The following ABCA10 variants were observed in gnomAD, a reference collection of about 807,000 sequenced individuals.
The protein encoded by ABCA10 is ATP binding cassette subfamily A member 10.
In ABCA10, 169 loss-of-function variants were observed where a neutral mutation model predicts 187.5. That is an observed-to-expected ratio of 0.90 (90% CI 0.80 to 1.02). The LOEUF (loss-of-function observed/expected upper bound fraction) is 1.02. ABCA10 is among the 50% of genes least tolerant of loss of function. The pLI is 0.00. For missense variants in ABCA10, 1,727 were observed against 1,812.4 expected (o/e 0.95, Z 0.86); for synonymous variants, 574 against 601.8 (o/e 0.95, Z 0.68).
intron 25 of ABCA10, among the ~76,000 whole-genome samples, chr17:69,165,627 G>A (rs1014137520): frequency 2.0e-5 from 3 of 152,072 alleles, no homozygotes; most frequent in Non-Finnish European, 4.4e-5. Context: ...ACTGTTAGTC[G>A]TTTCCTAAAA....
chr17:69,201,029 G>C (rs1024232224), intron 10 of ABCA10, among the ~76,000 whole-genome samples: 8 of 152,116 alleles, frequency 5.3e-5, no homozygotes, highest in African/African-American at 1.9e-4. Context: ...TCTTAGAAAT[G>C]AATGAAAAAG....
At chr17:69,155,524 ATGT>A (rs1351439234) in intron 29 of ABCA10, among the ~76,000 whole-genome samples, 9 of 152,314 alleles carry the variant, frequency 5.9e-5, no homozygotes, top group African/African-American at 2.2e-4. Context: ...CTCTTGAAAA[ATGT>A]GCGATTTTGC....
chr17:69,193,066 TA>T, intron 15 of ABCA10, 43 bp downstream of exon 15: 2 of 1,551,028 alleles, frequency 1.3e-6, no homozygotes, highest in Non-Finnish European at 1.7e-6. Context: ...ACTCTCATGT[TA>T]AATCCTTAAA....
chr17:69,190,195 CTGGACAATGCTAGTATTTTCTATCTAG>C (rs1273715958), intron 18 of ABCA10, among the ~76,000 whole-genome samples, 136 bp downstream of exon 18: 1 of 152,074 alleles, frequency 6.6e-6, no homozygotes, highest in Non-Finnish European at 1.5e-5. Flanking sequence ...GATTATAATA[CTGGACAATGCTAGTATTTTCTATCTAG>C]TGGACAATGC....
At chr17:69,232,364 G>T (rs1322802820), upstream of ABCA10, among the ~76,000 whole-genome samples, 2 of 151,528 alleles carry the variant, frequency 1.3e-5, no homozygotes, top group African/African-American at 4.8e-5. Context: ...GTAGTGTTTT[G>T]ATTTCTTGCT....
intron 1 of ABCA10, among the ~76,000 whole-genome samples, chr17:69,238,844 T>C (rs984321927): frequency 2.6e-5 from 4 of 152,198 alleles, no homozygotes; most frequent in Non-Finnish European, 5.9e-5. Flanking sequence ...TGACCTTCTG[T>C]TGAGGCAATT....
chr17:69,193,690 T>C (rs1189598502), intron 13 of ABCA10, 78 bp from the exon 14 acceptor site: 8 of 1,549,160 alleles, frequency 5.2e-6, no homozygotes, highest in Non-Finnish European at 8.7e-7. Context: ...ATGAAAAGGA[T>C]TTAGTCTAGA....
intron 9 of ABCA10, among the ~76,000 whole-genome samples, chr17:69,209,993 G>C (rs1318201786): frequency 6.6e-6 from 1 of 151,838 alleles, no homozygotes; most frequent in African/African-American, 2.4e-5. Context: ...GCACATGACT[G>C]TACATTAGGT....
chr17:69,201,788 T>A, intron 9 of ABCA10, 120 bp from the exon 10 acceptor site: 1 of 923,238 alleles, frequency 1.1e-6, no homozygotes, highest in Non-Finnish European at 1.5e-6. Context: ...GCATTTATAT[T>A]TATAATTTTT....
chr17:69,149,550 G>A (rs1427504223), intron 37 of ABCA10, among the ~76,000 whole-genome samples: 3 of 151,998 alleles, frequency 2.0e-5, no homozygotes, highest in South Asian at 2.1e-4. Context: ...GTTTTCTTTC[G>A]CTGACCTTCA....
intron 25 of ABCA10, among the ~76,000 whole-genome samples, chr17:69,170,524 A>G (rs1568054482): frequency 6.6e-6 from 1 of 151,814 alleles, no homozygotes; most frequent in Non-Finnish European, 1.5e-5. Context: ...GTAAGGAGTA[A>G]TTAAACACTT....
chr17:69,200,601 T>G lies in ABCA10; in HGVS notation c.1175+899A>C, dbSNP rs562453168. 3.9e-5 allele frequency among the ~76,000 whole-genome samples: 6 copies of G among 152,340 alleles called. No homozygotes were observed. The South Asian group carries it at 8.3e-4, about 21-fold the overall frequency. On this transcript the variant is annotated intron_variant, in intron 10 of 38. Transcript: ENST00000690296. ...TTTACTTTCAGTCAATCAAACCAGTTTGAATATACAACTAACATTTATGCA... is the reference window on the plus strand; with the variant it reads ...TTTACTTTCAGTCAATCAAACCAGTGTGAATATACAACTAACATTTATGCA...
intron 28 of ABCA10, 60 bp from the exon 29 acceptor site, chr17:69,155,985 T>G (rs993242015): frequency 5.9e-6 from 9 of 1,517,182 alleles, no homozygotes; most frequent in African/African-American, 1.4e-5. Context: ...GTTAAGAAAA[T>G]GTAAACCCCT....
At chr17:69,182,096 C>A in intron 22 of ABCA10, 57 bp downstream of exon 22, 1 of 1,416,080 alleles carries the variant, frequency 7.1e-7, no homozygotes, top group Non-Finnish European at 9.3e-7. Flanking sequence ...CTCTAGAGCC[C>A]TCATCCTTTA....
intron 25 of ABCA10, among the ~76,000 whole-genome samples, chr17:69,173,150 T>G (rs924116168): frequency 1.3e-5 from 2 of 152,108 alleles, no homozygotes; most frequent in Admixed American, 6.6e-5. Context: ...AAAATAAAGA[T>G]CAATGACTAA....
chr17:69,188,596 T>G (rs2074438822), intron 18 of ABCA10, among the ~76,000 whole-genome samples: 1 of 151,548 alleles, frequency 6.6e-6, no homozygotes, highest in Non-Finnish European at 1.5e-5. Context: ...ATGAGTAAAT[T>G]GCGTGTCATG....
At chr17:69,238,333 G>A (rs928869463) in intron 1 of ABCA10, among the ~76,000 whole-genome samples, 1 of 152,052 alleles carries the variant, frequency 6.6e-6, no homozygotes, top group African/African-American at 2.4e-5. Flanking sequence ...CACTCAATTT[G>A]TGGTACTATG....
At chr17:69,238,390 C>A (rs1341558152) in intron 1 of ABCA10, among the ~76,000 whole-genome samples, 1 of 152,074 alleles carries the variant, frequency 6.6e-6, no homozygotes, top group Non-Finnish European at 1.5e-5. Flanking sequence ...ATAGTTCTTA[C>A]CCCATAGGTC....
intron 1 of ABCA10, among the ~76,000 whole-genome samples, chr17:69,237,177 C>T (rs893924882): frequency 2.0e-5 from 3 of 152,162 alleles, no homozygotes; most frequent in African/African-American, 7.2e-5. Flanking sequence ...TATGAAATGA[C>T]CAGCTGATCC....
Sources: allele counts gnomAD v4.1 joint callset (sites outside exome capture counted in the v4.1 genomes callset), GRCh38; gene constraint gnomAD v4.1.1; transcripts MANE v1.5; gene names NCBI Gene and HGNC (gene_info 2026-07-23, HGNC 2026-07-21).